The following SPON1 variants were observed in gnomAD, a reference collection of about 807,000 sequenced individuals.
SPON1 encodes spondin 1.
A neutral mutation model predicts 111.7 loss-of-function variants in SPON1; 52 were observed. The ratio of observed to expected loss-of-function variants is 0.47; its 90% CI spans 0.37 to 0.59. SPON1 has a LOEUF of 0.59. Ranked by LOEUF, SPON1 falls within the 20% of genes least tolerant of loss-of-function variation. The probability of loss-of-function intolerance (pLI) is 0.00; values close to 1 mark genes in which losing one functional copy is unlikely to be tolerated. For synonymous variants in SPON1, 410 were observed against 395.8 expected (o/e 1.04, Z -0.43); for missense variants, 957 against 1,068.5 (o/e 0.90, Z 1.46).
intron 3 of SPON1, among the ~76,000 whole-genome samples, chr11:14,071,714 T>C (rs1848877762): frequency 7.1e-6 from 1 of 141,478 alleles, no homozygotes; most frequent in African/African-American, 2.4e-5. Context: ...TCATACATAA[T>C]CTAACCTTTT....
intron 6 of SPON1, among the ~76,000 whole-genome samples, chr11:14,224,287 GGGTA>G (rs1248021127): frequency 6.6e-6 from 1 of 152,062 alleles, no homozygotes; most frequent in African/African-American, 2.4e-5. Context: ...GTGCAACGTA[GGGTA>G]CCTTGGAAGC....
At position 14,224,102 on chromosome 11, in the gene SPON1, A is replaced by C. The variant is rs112657872; in HGVS notation, c.826-19230A>C. 5.3e-3 allele frequency among the ~76,000 whole-genome samples: 803 copies of C among 152,340 alleles called. 6 individuals carry two copies. Among genetic ancestry groups the C allele is most frequent in the African/African-American group, 0.018 (760 of 41,566 alleles). On this transcript the variant is annotated intron_variant, in intron 6 of 15. Transcript: ENST00000576479. ...GCTGATTCATTCATTTATTAAACAA[A>C]CATTTATTTAATACCTCCCTTGTGC...
At chr11:14,150,475 C>A (rs1210033642) in intron 6 of SPON1, among the ~76,000 whole-genome samples, 1 of 151,814 alleles carries the variant, frequency 6.6e-6, no homozygotes, top group African/African-American at 2.4e-5. Context: ...GTTCTCAACG[C>A]AAAGAAACAA....
chr11:14,011,770 A>T (rs1453407316), intron 2 of SPON1, among the ~76,000 whole-genome samples: 1 of 152,172 alleles, frequency 6.6e-6, no homozygotes, highest in Non-Finnish European at 1.5e-5. Flanking sequence ...AGAGTGGATG[A>T]GGATGGAAGA....
At chr11:14,224,871 G>T (rs1848720659) in intron 6 of SPON1, 3 of 296,664 alleles carry the variant, frequency 1.0e-5, no homozygotes, top group Admixed American at 3.2e-5. Context: ...GGAGTAGCCT[G>T]ATCAAGTGTC....
chr11:14,077,705 G>A (rs902864022), intron 4 of SPON1, among the ~76,000 whole-genome samples: 12 of 151,880 alleles, frequency 7.9e-5, no homozygotes, highest in Admixed American at 5.9e-4. Flanking sequence ...GGCTGGTCTC[G>A]AACTCCTGAC....
At chr11:14,203,482 T>C (rs868976061) in intron 6 of SPON1, among the ~76,000 whole-genome samples, 5 of 152,230 alleles carry the variant, frequency 3.3e-5, no homozygotes, top group African/African-American at 1.2e-4. Flanking sequence ...AACATAAATG[T>C]CCTTAAGAGA....
chr11:14,226,187 G>GCA (rs1554938117), intron 6 of SPON1, among the ~76,000 whole-genome samples: 13 of 152,168 alleles, frequency 8.5e-5, no homozygotes, highest in African/African-American at 3.1e-4. Context: ...CAGCTAGGAA[G>GCA]TAGAGAGAGA....
intron 5 of SPON1, among the ~76,000 whole-genome samples, chr11:14,110,563 C>T (rs972240980): frequency 1.4e-4 from 22 of 152,134 alleles, no homozygotes; most frequent in African/African-American, 5.3e-4. Flanking sequence ...AAGCTGGTAG[C>T]CTGGCCCAGT....
intron 6 of SPON1, among the ~76,000 whole-genome samples, chr11:14,170,403 G>C (rs1191903431): frequency 6.6e-6 from 1 of 152,138 alleles, no homozygotes; most frequent in African/African-American, 2.4e-5. Context: ...GGGCTGAGAA[G>C]GTGGGGTTTT....
chr11:14,179,684 A>G (rs1472384216), intron 6 of SPON1, among the ~76,000 whole-genome samples: 13 of 152,144 alleles, frequency 8.5e-5, no homozygotes, highest in African/African-American at 2.7e-4. Flanking sequence ...TGTTATTATC[A>G]TGTGGATTAA....
intron 2 of SPON1, among the ~76,000 whole-genome samples, chr11:14,030,043 G>A (rs1471177844): frequency 7.9e-5 from 12 of 152,180 alleles, no homozygotes; most frequent in African/African-American, 2.7e-4. Context: ...TAAGTGACAA[G>A]AGCTGGTATC....
At chr11:14,255,852 C>T (rs1211185925) in intron 9 of SPON1, 65 bp downstream of exon 9, 14 of 1,534,802 alleles carry the variant, frequency 9.1e-6, no homozygotes, top group Non-Finnish European at 1.2e-5. Flanking sequence ...AGATTGTACA[C>T]CCTTCTGCTC....
intron 6 of SPON1, among the ~76,000 whole-genome samples, chr11:14,153,980 C>T (rs1451081600): frequency 1.3e-5 from 2 of 152,236 alleles, no homozygotes; most frequent in African/African-American, 4.8e-5. Flanking sequence ...GACTCCATGT[C>T]TCACATCCAG....
At chr11:14,150,262 C>T (rs1022891643) in intron 6 of SPON1, among the ~76,000 whole-genome samples, 15 of 151,896 alleles carry the variant, frequency 9.9e-5, no homozygotes, top group Admixed American at 2.6e-4. Context: ...TATGTGGGAG[C>T]TGAAAAAGTT....
intron 2 of SPON1, among the ~76,000 whole-genome samples, chr11:14,036,476 G>T (rs1289652481): frequency 6.6e-6 from 1 of 152,172 alleles, no homozygotes; most frequent in Non-Finnish European, 1.5e-5. Flanking sequence ...AATTGGAGTA[G>T]GACCAGGTTA....
chr11:14,202,347 C>T (rs1177312659), intron 6 of SPON1, among the ~76,000 whole-genome samples: 1 of 152,204 alleles, frequency 6.6e-6, no homozygotes, highest in Non-Finnish European at 1.5e-5. Context: ...CGTCCTGTGC[C>T]TTGGTGGAGT....
intron 2 of SPON1, among the ~76,000 whole-genome samples, chr11:14,023,046 G>T (rs1197878120): frequency 6.6e-6 from 1 of 152,144 alleles, no homozygotes; most frequent in Non-Finnish European, 1.5e-5. Context: ...ACCATCCAAG[G>T]CTCTGAGGTG....
chr11:14,262,853 AAAAGTGCCGCATCCG>A lies in SPON1; in HGVS notation c.2142_2156del (p.Arg716_Cys720del). ...CCCTGCCCAGAGACTGTGCAGCGAA[AAAAGTGCCGCATCCG>A]AAAATGCCTTCGAAATCCATCCATC... On this transcript the variant is annotated inframe_deletion, in exon 15 of 16. Coordinates refer to ENST00000576479, the MANE Select transcript of SPON1 (RefSeq NM_006108.4). 1 of 1,613,892 alleles carries A rather than the reference AAAAGTGCCGCATCCG, an allele frequency of 6.2e-7. No homozygotes were observed. The highest frequency in any genetic ancestry group is 2.2e-5 in the East Asian group (1 of 44,872).
Sources: gnomAD v4.1 joint callset for allele counts (sites outside exome capture counted in the v4.1 genomes callset) on GRCh38, gnomAD v4.1.1 for gene constraint, MANE v1.5 for transcripts, NCBI Gene and HGNC (gene_info 2026-07-23, HGNC 2026-07-21) for gene names.